The following VWA3A variants were observed in gnomAD, a reference collection of about 807,000 sequenced individuals.
VWA3A encodes von Willebrand factor A domain containing 3A, also known as von Willebrand factor A domain-containing protein 3A.
VWA3A carries 134 observed loss-of-function variants against 160.4 expected under a neutral mutation model. The observed-to-expected ratio is 0.84, with a 90% CI of 0.73 to 0.96. VWA3A has a LOEUF of 0.96. Among genes scored for constraint, VWA3A ranks in the 40% least tolerant of loss-of-function variants. The pLI is 0.00. For synonymous variants in VWA3A, 476 were observed against 543.4 expected, an observed-to-expected ratio of 0.88 and a Z score of 1.72; for missense variants, 1,310 against 1,447.9, an observed-to-expected ratio of 0.90 and a Z score of 1.55.
rs751235242 is a variant in VWA3A at position 22,141,567 on chromosome 16, C to T, written c.2384-15C>T. On this transcript the variant is annotated splice_polypyrimidine_tract_variant and intron_variant, in intron 23 of 33. Coordinates refer to ENST00000389398, the MANE Select transcript of VWA3A (RefSeq NM_173615.5). ...GCATGCAGCTGCTCCAGCCAACAAGCCAAATGTTCCTCAGCTGCGGCCCAG... is the reference window on the plus strand; with the variant it reads ...GCATGCAGCTGCTCCAGCCAACAAGTCAAATGTTCCTCAGCTGCGGCCCAG... 20 of 1,599,448 alleles carry T rather than the reference C, an allele frequency of 1.3e-5. No individual in the cohort carries two copies. Among genetic ancestry groups the T allele is most frequent in the Non-Finnish European group, 1.6e-5 (19 of 1,173,164 alleles).
chr16:22,118,854 C>A, intron 11 of VWA3A, 48 bp from the exon 12 acceptor site: 1 of 1,609,772 alleles, frequency 6.2e-7, no homozygotes, highest in Non-Finnish European at 8.5e-7. Flanking sequence ...TTGACCCCTG[C>A]AGGTAGTCAA....
At chr16:22,105,954 G>C (rs963536419) in intron 6 of VWA3A, among the ~76,000 whole-genome samples, 2 of 152,204 alleles carry the variant, frequency 1.3e-5, no homozygotes, top group Non-Finnish European at 2.9e-5. Context: ...AACATGACCA[G>C]TACTTGCTGA....
rs117991403 is a variant in VWA3A, at chr16:22,109,708, C to A, written c.582+128C>A. ...GGTGTCTTATAAAGAACAGTTCACA[C>A]TTAATTAGCACCTGTGGTTAGAGAA... On this transcript the variant is annotated intron_variant, in intron 7 of 33. Coordinates refer to ENST00000389398, the MANE Select transcript of VWA3A (RefSeq NM_173615.5). The A allele has an allele frequency of 7.5e-3, 5,474 of 734,166 alleles. 38 individuals are homozygous for A. Among genetic ancestry groups the A allele is most frequent in the Middle Eastern group, 0.015 (62 of 4,118 alleles). 45.5% of individuals were successfully genotyped at this position (734,166 alleles called of 1,614,324 possible).
intron 28 of VWA3A, 26 bp downstream of exon 28, chr16:22,148,332 G>A (rs1272759765): frequency 6.3e-7 from 1 of 1,574,880 alleles, no homozygotes; most frequent in South Asian, 1.2e-5. Flanking sequence ...TGATCAGGAA[G>A]ATCAAAGGGG....
Position 22,156,354 on chromosome 16 carries a change from G to A in VWA3A, c.*337G>A. On this transcript the variant is annotated 3_prime_UTR_variant, in exon 34 of 34. Coordinates refer to ENST00000389398, the MANE Select transcript of VWA3A (RefSeq NM_173615.5). ...ACGGTGCTTCTTGCCCCCTCTGCCT[G>A]GAGACTCCTGCTCATCCATCAAGGC... 2 of 184,700 alleles carry A rather than the reference G, an allele frequency of 1.1e-5. No individual in the cohort carries two copies. Among genetic ancestry groups the A allele is most frequent in the Non-Finnish European group, 2.2e-5 (2 of 89,160 alleles). The allele number at this position is 184,700 out of a possible 1,614,324, so 11.4% of individuals were successfully genotyped here. A position where few individuals can be genotyped will look rare whatever the true frequency, so the allele number is the denominator to read the frequency against.
rs763699395 is a variant in VWA3A, at chr16:22,132,939, T to C, written c.1912T>C (p.Cys638Arg). The part of the protein sequence containing the change: ...SAYMAEACGG[C>R]DLQLNVCLFY... The stretch of plus-strand genomic sequence containing the variant: ...CTACATGGCTGAGGCCTGTGGCGGC[T>C]GCGACCTCCAGCTGAACGTGTGTCT... Residue 638 changes from cysteine to arginine, a missense_variant, in exon 20 of 34, where the codon TGC becomes CGC. By Grantham distance (180) the Cys-to-Arg change is radical. Transcript: ENST00000389398. 13 of 1,613,772 alleles carry C rather than the reference T, an allele frequency of 8.1e-6. No homozygotes were observed. The highest frequency in any genetic ancestry group is 1.1e-5 in the Non-Finnish European group (13 of 1,179,898).
At chr16:22,118,152 A>G (rs928172122) in intron 11 of VWA3A, among the ~76,000 whole-genome samples, 1 of 152,106 alleles carries the variant, frequency 6.6e-6, no homozygotes, top group African/African-American at 2.4e-5. Flanking sequence ...GTGGTAGCAC[A>G]TGGCTATAGT....
At chr16:22,093,939 A>ATTT (rs11400675) in intron 1 of VWA3A, among the ~76,000 whole-genome samples, 35 of 141,126 alleles carry the variant, frequency 2.5e-4, no homozygotes, top group East Asian at 1.0e-3. Context: ...TAATTTTTGT[A>ATTT]TTTTTTTTTT....
rs2046319917 is a variant in VWA3A, at chr16:22,149,928, G to T, written c.3126G>T (p.Leu1042Phe). The T allele has an allele frequency of 1.9e-6, 3 of 1,604,980 alleles. No individual in the cohort carries two copies. Among genetic ancestry groups the T allele is most frequent in the Non-Finnish European group, 2.6e-6 (3 of 1,174,182 alleles). Residue 1042 changes from leucine (L) to phenylalanine (F), a missense_variant, in exon 29 of 34, where the codon TTG becomes TTT. Transcript: ENST00000389398. ...GCAGCACCTCCATCTTGCAAGCATT[G>T]CTGGCAAGTCCCACCACGGAGCCCG... ...AQGSTSILQALLKAFSFHDLE... is the reference protein window; with the variant it reads ...AQGSTSILQAFLKAFSFHDLE...
intron 9 of VWA3A, 99 bp from the exon 10 acceptor site, chr16:22,116,660 A>G (rs1292984741): frequency 6.3e-6 from 6 of 949,972 alleles, no homozygotes; most frequent in East Asian, 2.6e-5. Context: ...TGGCCAGTTA[A>G]GAATGGGTAG....
intron 1 of VWA3A, among the ~76,000 whole-genome samples, chr16:22,095,969 C>T (rs897258546): frequency 3.9e-5 from 6 of 152,120 alleles, no homozygotes; most frequent in Non-Finnish European, 5.9e-5. Context: ...AGAATATAAG[C>T]GCTGGGAGGA....
At position 22,148,230 on chromosome 16, in the gene VWA3A, A is replaced by C. The variant is rs191488230; in HGVS notation, c.2908A>C (p.Met970Leu). Residue 970 changes from methionine (M) to leucine (L), a missense_variant, in exon 28 of 34, where the codon ATG becomes CTG. Physicochemically the swap from Met to Leu is conservative, Grantham distance 15. Coordinates refer to ENST00000389398, the MANE Select transcript of VWA3A (RefSeq NM_173615.5). ...CATATTGCTGGACACGTCAGGGTCC[A>C]TGGGCCCCTACCTGCAGCAGGTGAA... ...VCILLDTSGSMGPYLQQVKTE... is the reference protein window; with the variant it reads ...VCILLDTSGSLGPYLQQVKTE... 6.2e-7 allele frequency: 1 copy of C among 1,600,366 alleles called. No homozygotes were observed. Among genetic ancestry groups the C allele is most frequent in the East Asian group, 2.2e-5 (1 of 44,490 alleles).
At chr16:22,131,509 G>A in intron 18 of VWA3A, 76 bp from the exon 19 acceptor site, 1 of 1,578,120 alleles carries the variant, frequency 6.3e-7, no homozygotes, top group Non-Finnish European at 8.6e-7. Context: ...GATGGAAAAG[G>A]CTCTCAGCTA....
At chr16:22,154,332 T>C (rs1410110246) in intron 31 of VWA3A, among the ~76,000 whole-genome samples, 28 of 137,096 alleles carry the variant, frequency 2.0e-4, no homozygotes, top group African/African-American at 6.9e-4. Flanking sequence ...TCTTTTTTTT[T>C]TTTTTTTTTT....
intron 17 of VWA3A, among the ~76,000 whole-genome samples, chr16:22,127,190 G>A (rs2045865504): frequency 6.6e-6 from 1 of 151,866 alleles, no homozygotes; most frequent in African/African-American, 2.4e-5. Context: ...GCAGTGGCTT[G>A]ATCTAAGTTC....
intron 21 of VWA3A, 127 bp downstream of exon 21, chr16:22,134,565 A>T: frequency 1.2e-6 from 1 of 806,870 alleles, no homozygotes; most frequent in South Asian, 2.0e-5. Flanking sequence ...AGAGGCTGGA[A>T]GTCTGAAATC....
In VWA3A at chr16:22,149,929, C is replaced by A. The variant is rs2046319965; in HGVS notation, c.3127C>A (p.Leu1043Met). ...CAGCACCTCCATCTTGCAAGCATTG[C>A]TGGCAAGTCCCACCACGGAGCCCGA... ...QGSTSILQAL[L>M]KAFSFHDLEG... The change falls in exon 29 of 34, where the codon CTG becomes ATG. Residue 1043 changes from leucine (L) to methionine (M), a missense_variant and splice_region_variant. By Grantham distance (15) the Leu-to-Met change is conservative (BLOSUM62 2). Transcript: ENST00000389398. 1 of 1,603,856 alleles carries A rather than the reference C, an allele frequency of 6.2e-7. No homozygotes were observed. Among genetic ancestry groups the A allele is most frequent in the Non-Finnish European group, 8.5e-7 (1 of 1,173,446 alleles).
chr16:22,115,269 T>G (rs2045613327), intron 8 of VWA3A, 78 bp from the exon 9 acceptor site: 1 of 1,454,374 alleles, frequency 6.9e-7, no homozygotes, highest in Admixed American at 2.5e-5. Context: ...CAGCAAGCCC[T>G]TATCTCTAAA....
rs199510520 is a variant in VWA3A at position 22,121,016 on chromosome 16, C to A, written c.1165C>A (p.Pro389Thr). Residue 389 changes from proline (P) to threonine (T), a missense_variant, in exon 13 of 34, where the codon CCC becomes ACC. Transcript: ENST00000389398. ...NGPLISLLPK[P>T]PKHDAPLTIE... is the part of the protein sequence containing the mutation. ...GCCACTCATAAGCCTCTTGCCTAAA[C>A]CCCCAAAGCATGACGCTCCTCTCAC... 145 of 1,613,978 alleles carry A rather than the reference C, an allele frequency of 9.0e-5. No homozygotes were observed. The African/African-American group carries it at 1.8e-3, about 20-fold the overall frequency.
Sources: gnomAD v4.1 joint callset for allele counts (sites outside exome capture counted in the v4.1 genomes callset) on GRCh38, gnomAD v4.1.1 for gene constraint, MANE v1.5 for transcripts, NCBI Gene and HGNC (gene_info 2026-07-23, HGNC 2026-07-21) for gene names.